Variants in DPYSL3 observed in about 807,000 individuals in gnomAD.
The protein encoded by DPYSL3 is dihydropyrimidinase-related protein 3.
In DPYSL3, 16 loss-of-function variants were observed where a neutral mutation model predicts 66.1. The ratio of observed to expected loss-of-function variants is 0.24; its 90% CI spans 0.16 to 0.37. DPYSL3 has a LOEUF of 0.37. Ranked by LOEUF, DPYSL3 falls within the 10% of genes least tolerant of loss-of-function variation. The pLI, the probability that DPYSL3 is intolerant of heterozygous loss-of-function variation, is 1.00. For missense variants in DPYSL3, 738 were observed against 916.2 expected (o/e 0.81, Z 2.51); for synonymous variants, 338 against 345.1 (o/e 0.98, Z 0.23).
intron 1 of DPYSL3, among the ~76,000 whole-genome samples, chr5:147,475,116 T>C (rs908649290): frequency 6.6e-6 from 1 of 151,954 alleles, no homozygotes; most frequent in African/African-American, 2.4e-5. Context: ...TCCAGAGAAA[T>C]GAAAACTTAC....
chr5:147,450,235 G>T (rs751706440), intron 1 of DPYSL3, among the ~76,000 whole-genome samples: 3 of 152,078 alleles, frequency 2.0e-5, no homozygotes, highest in Non-Finnish European at 4.4e-5. Flanking sequence ...CTCTCAGACA[G>T]TATTGACTGA....
intron 2 of DPYSL3, among the ~76,000 whole-genome samples, chr5:147,419,305 G>C (rs1581183536): frequency 6.6e-6 from 1 of 152,248 alleles, no homozygotes; most frequent in East Asian, 1.9e-4. Flanking sequence ...TTTTAGCCGA[G>C]CTGAGTGATT....
intron 1 of DPYSL3, among the ~76,000 whole-genome samples, chr5:147,473,726 T>A (rs1289507452): frequency 2.0e-5 from 3 of 152,164 alleles, no homozygotes; most frequent in African/African-American, 2.4e-5. Flanking sequence ...TTTCCACCAA[T>A]GGGTTTGCCC....
intron 1 of DPYSL3, among the ~76,000 whole-genome samples, chr5:147,498,554 A>T (rs913847222): frequency 2.6e-5 from 4 of 152,168 alleles, no homozygotes; most frequent in African/African-American, 9.7e-5. Context: ...CACTCCCACC[A>T]ACAGTGTATA....
At chr5:147,426,012 T>A (rs1194313328) in intron 1 of DPYSL3, among the ~76,000 whole-genome samples, 1 of 151,024 alleles carries the variant, frequency 6.6e-6, no homozygotes, top group African/African-American at 2.4e-5. Context: ...CATCCATCCA[T>A]CCATCCATCC....
At chr5:147,399,334 C>G (rs1211443890) in intron 10 of DPYSL3, 82 bp from the exon 11 acceptor site, 1 of 1,447,466 alleles carries the variant, frequency 6.9e-7, no homozygotes. Context: ...AGAAAGACAA[C>G]CCACAAAGGC....
At chr5:147,496,946 C>G (rs1441980891) in intron 1 of DPYSL3, among the ~76,000 whole-genome samples, 4 of 152,200 alleles carry the variant, frequency 2.6e-5, no homozygotes, top group Non-Finnish European at 1.5e-5. Flanking sequence ...AAGACACATG[C>G]ACACGTATGT....
intron 9 of DPYSL3, 55 bp downstream of exon 9, chr5:147,401,485 T>C: frequency 6.5e-7 from 1 of 1,540,552 alleles, no homozygotes; most frequent in Non-Finnish European, 8.8e-7. Flanking sequence ...AACCCCCAGC[T>C]GGACTCAAGA....
chr5:147,507,356 T>G (rs1753696860), intron 1 of DPYSL3, among the ~76,000 whole-genome samples: 1 of 152,024 alleles, frequency 6.6e-6, no homozygotes, highest in South Asian at 2.1e-4. Context: ...TTTTTTTTTT[T>G]TAAGTAAAGT....
intron 1 of DPYSL3, among the ~76,000 whole-genome samples, chr5:147,448,278 A>C (rs1752666515): frequency 6.6e-6 from 1 of 152,184 alleles, no homozygotes; most frequent in African/African-American, 2.4e-5. Context: ...ATTTAGGAAA[A>C]TGCCCTCTAT....
chr5:147,426,893 G>A (rs73264212), intron 1 of DPYSL3, among the ~76,000 whole-genome samples: 1,854 of 152,260 alleles, frequency 0.012, 47 homozygotes, highest in African/African-American at 0.043. Context: ...TCAATGAAGT[G>A]TTCCAAAACA....
intron 1 of DPYSL3, among the ~76,000 whole-genome samples, chr5:147,464,241 GT>G (rs1040794306): frequency 1.3e-5 from 2 of 152,186 alleles, no homozygotes; most frequent in Non-Finnish European, 2.9e-5. Context: ...ATATGGTGCT[GT>G]GTCCCAAAAG....
chr5:147,431,656 C>T (rs1752319426), intron 1 of DPYSL3, among the ~76,000 whole-genome samples: 1 of 152,090 alleles, frequency 6.6e-6, no homozygotes, highest in Admixed American at 6.5e-5. Context: ...TATAACAGAC[C>T]TTGCCATAAA....
intron 1 of DPYSL3, among the ~76,000 whole-genome samples, chr5:147,460,112 G>GAAA (rs548859726): frequency 0.036 from 5,083 of 141,866 alleles, 294 homozygotes; most frequent in African/African-American, 0.12. Flanking sequence ...CTCCGTCTCA[G>GAAA]AAAAAAAAAA....
intron 1 of DPYSL3, among the ~76,000 whole-genome samples, chr5:147,500,431 T>G (rs1753585239): frequency 6.6e-6 from 1 of 151,896 alleles, no homozygotes; most frequent in Admixed American, 6.6e-5. Flanking sequence ...CTAGCCAACA[T>G]GGTGAAATCG....
rs1218035380 is a variant in DPYSL3 at position 147,393,918 on chromosome 5, A to G, written c.*117T>C. On this transcript the variant is annotated 3_prime_UTR_variant, in exon 14 of 14. Coordinates refer to ENST00000343218, the MANE Select transcript of DPYSL3 (RefSeq NM_001197294.2). ...TGGAGAAACATAAGGCTTGAGGCTT[A>G]TTGATTCTTTAGATCACAACCGTTT... 3.9e-6 allele frequency: 4 copies of G among 1,021,498 alleles called. No homozygotes were observed. In the African/African-American group the frequency reaches 6.4e-5, roughly 16 times the overall value. The allele number at this position is 1,021,498 out of a possible 1,614,324, so 63.3% of individuals were successfully genotyped here.
intron 1 of DPYSL3, among the ~76,000 whole-genome samples, chr5:147,442,386 C>T (rs545488523): frequency 6.6e-6 from 1 of 152,020 alleles, no homozygotes; most frequent in Admixed American, 6.6e-5. Context: ...CATTCAAGAG[C>T]GGGAGGAAAT....
intron 2 of DPYSL3, among the ~76,000 whole-genome samples, chr5:147,424,336 G>A (rs1561782818): frequency 6.6e-6 from 1 of 152,118 alleles, no homozygotes. Context: ...AGTTCACTAT[G>A]TAGGAAACCT....
At chr5:147,443,112 A>G (rs182504419) in intron 1 of DPYSL3, among the ~76,000 whole-genome samples, 3 of 152,214 alleles carry the variant, frequency 2.0e-5, no homozygotes, top group Non-Finnish European at 2.9e-5. Flanking sequence ...CATTAGACTT[A>G]AAAAAAATAT....
Sources: gnomAD v4.1 joint callset for allele counts (sites outside exome capture counted in the v4.1 genomes callset) on GRCh38, gnomAD v4.1.1 for gene constraint, MANE v1.5 for transcripts, NCBI Gene and HGNC (gene_info 2026-07-23, HGNC 2026-07-21) for gene names.